The following NCOA1 variants were observed in gnomAD, a reference collection of about 807,000 sequenced individuals.
The protein encoded by NCOA1 is Hin-2 protein.
A neutral mutation model predicts 150.9 loss-of-function variants in NCOA1; 35 were observed. That is an observed-to-expected ratio of 0.23 (90% CI 0.18 to 0.31). The LOEUF is 0.31. NCOA1 is among the 10% of genes least tolerant of loss of function. NCOA1 has a pLI of 1.00. For synonymous variants in NCOA1, 590 were observed against 630.0 expected (o/e 0.94, Z 0.95); for missense variants, 1,491 against 1,749.3 (o/e 0.85, Z 2.63).
intron 1 of NCOA1, among the ~76,000 whole-genome samples, chr2:24,506,374 T>C (rs1001356403): frequency 8.5e-5 from 13 of 152,214 alleles, no homozygotes; most frequent in Non-Finnish European, 1.9e-4. Flanking sequence ...TTGGATGCTC[T>C]ATAGCTGCTT....
At chr2:24,582,068 A>G (rs1667214537) in intron 2 of NCOA1, among the ~76,000 whole-genome samples, 1 of 152,214 alleles carries the variant, frequency 6.6e-6, no homozygotes, top group Admixed American at 6.5e-5. Flanking sequence ...GCCCACTTTC[A>G]TCACTCTTAT....
intron 1 of NCOA1, among the ~76,000 whole-genome samples, chr2:24,492,794 G>T (rs1326304135): frequency 6.6e-6 from 1 of 152,182 alleles, no homozygotes; most frequent in Non-Finnish European, 1.5e-5. Context: ...TCTCTGTGGC[G>T]ATGATTTGTG....
intron 21 of NCOA1, among the ~76,000 whole-genome samples, chr2:24,759,740 A>T (rs1664683185): frequency 6.6e-6 from 1 of 152,130 alleles, no homozygotes; most frequent in South Asian, 2.1e-4. Context: ...GGTGTATATT[A>T]TATCACCTCT....
In NCOA1 at chr2:24,729,780, C is replaced by A; in HGVS notation, c.3166C>A (p.Leu1056Ile). 1 of 1,614,050 alleles carries A rather than the reference C, an allele frequency of 6.2e-7. No homozygotes were observed. The highest frequency in any genetic ancestry group is 1.3e-5 in the African/African-American group (1 of 75,040). ...TCCGGCTGCACCTAACCAGCTTCGA[C>A]TTCAACTACAGCAGCGATTACAGGG... ...RPPAAPNQLR[L>I]QLQQRLQGQQ... Residue 1056 changes from leucine to isoleucine, a missense_variant, in exon 17 of 23, where the codon CTT becomes ATT. Transcript: ENST00000348332.
At chr2:24,701,522 A>AT (rs1292906777) in intron 11 of NCOA1, among the ~76,000 whole-genome samples, 54 of 151,676 alleles carry the variant, frequency 3.6e-4, no homozygotes, top group African/African-American at 1.3e-3. Flanking sequence ...AAAAAAAAAA[A>AT]AGAGTAGACC....
chr2:24,731,847 C>CTATA (rs1369738755), intron 17 of NCOA1, among the ~76,000 whole-genome samples: 1 of 152,128 alleles, frequency 6.6e-6, no homozygotes, highest in African/African-American at 2.4e-5. Context: ...ACACTAGGTA[C>CTATA]TATAAGGAAT....
chr2:24,547,387 T>C (rs986439963), intron 1 of NCOA1, among the ~76,000 whole-genome samples: 2 of 152,230 alleles, frequency 1.3e-5, no homozygotes, highest in African/African-American at 4.8e-5. Context: ...GTTTATTTAG[T>C]TGCAAATCTT....
At chr2:24,521,689 A>G (rs947326074) in intron 1 of NCOA1, among the ~76,000 whole-genome samples, 2 of 152,194 alleles carry the variant, frequency 1.3e-5, no homozygotes, top group African/African-American at 4.8e-5. Context: ...GCTGTAGTCA[A>G]CATGAGAGTT....
In NCOA1 at chr2:24,745,866, A is replaced by C. The variant is rs1034561066; in HGVS notation, c.3706+3680A>C. 3.7e-4 allele frequency among the ~76,000 whole-genome samples: 57 copies of C among 152,268 alleles called. 1 individual carries two copies. The highest frequency in any genetic ancestry group is 1.3e-3 in the African/African-American group (54 of 41,550). On this transcript the variant is annotated intron_variant, in intron 19 of 22. Coordinates refer to ENST00000348332, the MANE Select transcript of NCOA1 (RefSeq NM_003743.5). ...AACAGCACAGACCTTGTTCTCTTTT[A>C]CTTCCAGGGGCTTTGAACATTGTCT...
chr2:24,678,357 A>G (rs145504816), intron 7 of NCOA1, among the ~76,000 whole-genome samples: 1 of 152,286 alleles, frequency 6.6e-6, no homozygotes, highest in Non-Finnish European at 1.5e-5. Flanking sequence ...ATACATGTGC[A>G]TGTATCTTTA....
rs551973255 is a variant in NCOA1 at position 24,536,216 on chromosome 2, A to G, written c.-395-28079A>G. Among the ~76,000 whole-genome samples, 6 of 152,108 alleles carry G rather than the reference A, an allele frequency of 3.9e-5. No individual in the cohort carries two copies. In the East Asian group the frequency reaches 5.8e-4, roughly 15 times the overall value. ...TCATTAATTTGATCTTCAATCACTG[A>G]TATCCTTTTTTCCACTTGATTGAAT... On this transcript the variant is annotated intron_variant, in intron 1 of 22. Coordinates refer to ENST00000348332, the MANE Select transcript of NCOA1 (RefSeq NM_003743.5).
chr2:24,576,163 GTTTTTTGTTTTTTTTTTTTTTTTT>G lies in NCOA1; in HGVS notation c.-259-8308_-259-8285del, dbSNP rs1157399832. On this transcript the variant is annotated intron_variant, in intron 2 of 22. Coordinates refer to ENST00000348332, the MANE Select transcript of NCOA1 (RefSeq NM_003743.5). ...ATTTGGCCTTTGTTTTTTTTTTTTT[GTTTTTTGTTTTTTTTTTTTTTTTT>G]TTTTGTTTGCTAGTCCTTTCTCCAA... is the stretch of plus-strand genomic sequence containing the variant. 1.3e-3 allele frequency among the ~76,000 whole-genome samples: 119 copies of G among 92,714 alleles called. 1 individual carries two copies. The highest frequency in any genetic ancestry group is 1.2e-3 in the Non-Finnish European group (58 of 46,982). The allele number at this position is 92,714 out of a possible 152,430, so 60.8% of individuals were successfully genotyped here. A position where few individuals can be genotyped will look rare whatever the true frequency, so the allele number is the denominator to read the frequency against.
intron 3 of NCOA1, among the ~76,000 whole-genome samples, chr2:24,599,219 T>G (rs895344227): frequency 1.3e-5 from 2 of 152,192 alleles, no homozygotes; most frequent in African/African-American, 4.8e-5. Flanking sequence ...GATGTACACA[T>G]GTGACTCAGA....
chr2:24,580,612 C>T (rs539428811), intron 2 of NCOA1, among the ~76,000 whole-genome samples: 2 of 152,192 alleles, frequency 1.3e-5, no homozygotes, highest in African/African-American at 4.8e-5. Context: ...TTTGGTTCTT[C>T]TTTATATCTT....
At chr2:24,655,821 G>A (rs1421466518) in intron 4 of NCOA1, among the ~76,000 whole-genome samples, 1 of 152,164 alleles carries the variant, frequency 6.6e-6, no homozygotes, top group African/African-American at 2.4e-5. Flanking sequence ...GGGCATGGTG[G>A]CTCACGCCTG....
chr2:24,665,197 C>A (rs1671361691), intron 5 of NCOA1, among the ~76,000 whole-genome samples: 1 of 151,904 alleles, frequency 6.6e-6, no homozygotes. Context: ...GTTCACTGTA[C>A]CTTCGTCTCT....
intron 1 of NCOA1, among the ~76,000 whole-genome samples, chr2:24,494,120 C>G (rs1289985363): frequency 1.3e-5 from 2 of 152,122 alleles, no homozygotes; most frequent in African/African-American, 2.4e-5. Flanking sequence ...AGTGAGCGGT[C>G]TTCACTAGGA....
chr2:24,534,880 A>G (rs1394673423), intron 1 of NCOA1, among the ~76,000 whole-genome samples: 1 of 152,122 alleles, frequency 6.6e-6, no homozygotes, highest in Non-Finnish European at 1.5e-5. Flanking sequence ...TATGTGGTCA[A>G]TTTTAGAATA....
At chr2:24,608,293 A>G (rs1354865988) in intron 3 of NCOA1, among the ~76,000 whole-genome samples, 1 of 131,842 alleles carries the variant, frequency 7.6e-6, no homozygotes, top group Non-Finnish European at 1.6e-5. Context: ...TATTATTATT[A>G]TTATTTTGAG....
Sources: gnomAD v4.1 joint callset for allele counts (sites outside exome capture counted in the v4.1 genomes callset) on GRCh38, gnomAD v4.1.1 for gene constraint, MANE v1.5 for transcripts, NCBI Gene and HGNC (gene_info 2026-07-23, HGNC 2026-07-21) for gene names.